ZNF394: variants seen among roughly 807,000 people sequenced by gnomAD.
The protein encoded by ZNF394 is zinc finger protein 99.
A neutral mutation model predicts 21.8 loss-of-function variants in ZNF394; 19 were observed. The ratio of observed to expected loss-of-function variants is 0.87; its 90% CI spans 0.61 to 1.28. ZNF394 has a LOEUF of 1.28. ZNF394 is among the 50% of genes most tolerant of loss of function. The probability of loss-of-function intolerance (pLI) is 0.00; values close to 1 mark genes in which losing one functional copy is unlikely to be tolerated. For missense variants in ZNF394, 683 were observed against 708.6 expected (o/e 0.96, Z 0.41); for synonymous variants, 294 against 273.3 (o/e 1.08, Z -0.75).
At position 99,494,300 on chromosome 7, in the gene ZNF394, C is replaced by T. The variant is rs79748850; in HGVS notation, c.915G>A (p.Glu305=). 7,854 of 1,614,244 alleles carry T rather than the reference C, an allele frequency of 4.9e-3. 25 individuals are homozygous for T. The highest frequency in any genetic ancestry group is 6.2e-3 in the Non-Finnish European group (7,358 of 1,180,046). The part of the protein sequence containing the change: ...LVLCQHIPKA[E]RPTDSEEHGN... Reference sequence around the variant, plus strand: ...CGTGTTCCTCACTGTCAGTGGGCCTCTCTGCTTTCGGGATGTGCTGACATA... The same window carrying T: ...CGTGTTCCTCACTGTCAGTGGGCCTTTCTGCTTTCGGGATGTGCTGACATA... Residue 305 remains glutamate, a synonymous_variant, in exon 3 of 3, where the codon GAG becomes GAA. Transcript: ENST00000337673.
downstream of ZNF394, among the ~76,000 whole-genome samples, chr7:99,488,535 G>A (rs947450386): frequency 2.8e-4 from 43 of 151,402 alleles, no homozygotes; most frequent in Admixed American, 1.3e-3. Context: ...TGCCTTTCCT[G>A]TATTACATAC....
chr7:99,488,507 A>C (rs574519705), downstream of ZNF394, among the ~76,000 whole-genome samples: 1 of 152,110 alleles, frequency 6.6e-6, no homozygotes, highest in Non-Finnish European at 1.5e-5. Flanking sequence ...ATCTCAAAAA[A>C]AAAAAAAGAT....
Position 99,493,465 on chromosome 7 carries a change from C to A in ZNF394, c.*64G>T. The A allele has an allele frequency of 7.2e-7, 1 of 1,385,350 alleles. No individual in the cohort carries two copies. Among genetic ancestry groups the A allele is most frequent in the Non-Finnish European group, 9.8e-7 (1 of 1,018,452 alleles). The allele number at this position is 1,385,350 out of a possible 1,614,324, so 85.8% of individuals were successfully genotyped here. A position where few individuals can be genotyped will look rare whatever the true frequency, so the allele number is the denominator to read the frequency against. On this transcript the variant is annotated 3_prime_UTR_variant, in exon 3 of 3. Coordinates refer to ENST00000337673, the MANE Select transcript of ZNF394 (RefSeq NM_032164.4). Reference sequence around the variant, plus strand: ...AGAGACAGGATTTTACCATGTTGGCCAGGCTGGTTTCAAACTCCTGATCTC... The same window carrying A: ...AGAGACAGGATTTTACCATGTTGGCAAGGCTGGTTTCAAACTCCTGATCTC...
rs1800217836 is a variant in ZNF394 at position 99,493,776 on chromosome 7, T to C, written c.1439A>G (p.Gln480Arg). Residue 480 changes from glutamine to arginine, a missense_variant, in exon 3 of 3, where the codon CAG becomes CGG. This residue lies in a region of ZNF394 where 274 missense variants were observed against 314.1 expected (regional missense o/e 0.87). Transcript: ENST00000337673. ...GTGGTGTTTAAAGAGGTCAGAGCGC[T>C]GTTTGAAGCTCTTCTCGCATTCTTC... The part of the protein sequence containing the change: ...KCEECEKSFK[Q>R]RSDLFKHHRI... 2.5e-6 allele frequency: 4 copies of C among 1,614,102 alleles called. No homozygotes were observed. In the Admixed American group the frequency reaches 6.7e-5, roughly 27 times the overall value.
Position 99,487,189 on chromosome 7 carries a change from A to G in ZNF394, n.84-226T>C, listed in dbSNP as rs143052446. On this transcript the variant is annotated intron_variant and non_coding_transcript_variant, in intron 1 of 1. Coordinates refer to the ZNF394 transcript ENST00000462024. ...TGGAAAAGCCTTTGGCCGGCATTCA[A>G]CCCTTCTATGTCATCAACAGATTCA... 28 of 1,614,044 alleles carry G rather than the reference A, an allele frequency of 1.7e-5. 1 individual carries two copies. The highest frequency in any genetic ancestry group is 2.2e-5 in the East Asian group (1 of 44,900).
At chr7:99,492,769 A>T (rs2151080089), downstream of ZNF394, among the ~76,000 whole-genome samples, 1 of 150,334 alleles carries the variant, frequency 6.7e-6, no homozygotes, top group East Asian at 2.0e-4. Flanking sequence ...CAGCCTGGGC[A>T]ACATAGCAAG....
chr7:99,486,892 C>A (rs760084125), exon 2 of ZNF394: 1 of 1,614,084 alleles, frequency 6.2e-7, no homozygotes, highest in African/African-American at 1.3e-5. Flanking sequence ...TTTAGAGAAT[C>A]CTTTTGAGTG....
chr7:99,498,972 G>C lies in ZNF394; in HGVS notation c.457-130C>G, dbSNP rs1011704434. ...GAGGCTGACATTCTCTTGTAATCCT[G>C]AAAAGCCTTTCTGTGGACTATTTAC... On this transcript the variant is annotated intron_variant, in intron 1 of 2. Transcript: ENST00000337673. 3 of 1,313,980 alleles carry C rather than the reference G, an allele frequency of 2.3e-6. No homozygotes were observed. The African/African-American group carries it at 4.5e-5, about 20-fold the overall frequency. The allele number at this position is 1,313,980 out of a possible 1,614,324, so 81.4% of individuals were successfully genotyped here.
intron 2 of ZNF394, among the ~76,000 whole-genome samples, chr7:99,494,984 C>G (rs1800261870): frequency 6.6e-6 from 1 of 152,052 alleles, no homozygotes; most frequent in Admixed American, 6.6e-5. Flanking sequence ...CCGCTCGCCT[C>G]AGCCTCCCTA....
chr7:99,491,636 T>C (rs1800161948), downstream of ZNF394, among the ~76,000 whole-genome samples: 1 of 149,610 alleles, frequency 6.7e-6, no homozygotes, highest in Non-Finnish European at 1.5e-5. Context: ...ATCAGCCGGG[T>C]GTGGTGGCGA....
At chr7:99,487,601 TGG>T in intron 1 of ZNF394, 1 of 1,293,382 alleles carries the variant, frequency 7.7e-7, no homozygotes, top group Non-Finnish European at 1.1e-6. Flanking sequence ...GGTTTTTCTA[TGG>T]GAGCCATCTT....
At chr7:99,489,010 C>T (rs75281515), downstream of ZNF394, among the ~76,000 whole-genome samples, 487 of 150,918 alleles carry the variant, frequency 3.2e-3, 3 homozygotes, top group African/African-American at 0.011. Context: ...GTCAGCCCGG[C>T]GCAGTGGCTC....
intron 2 of ZNF394, among the ~76,000 whole-genome samples, chr7:99,495,933 T>A (rs1250470273): frequency 6.6e-6 from 1 of 151,446 alleles, no homozygotes; most frequent in Non-Finnish European, 1.5e-5. Flanking sequence ...ATTTATTTTA[T>A]CTTTTTGAGA....
intron 1 of ZNF394, chr7:99,487,121 A>G: frequency 1.2e-6 from 2 of 1,614,230 alleles, no homozygotes; most frequent in Non-Finnish European, 1.7e-6. Context: ...ATTCGACATC[A>G]GGTGATCCAT....
At chr7:99,488,363 G>A (rs566915666), downstream of ZNF394, among the ~76,000 whole-genome samples, 10 of 151,560 alleles carry the variant, frequency 6.6e-5, no homozygotes, top group East Asian at 1.6e-3. Context: ...GTGAAACCCC[G>A]TCTCTACTGA....
At chr7:99,490,688 C>T (rs1315455883), downstream of ZNF394, among the ~76,000 whole-genome samples, 1 of 149,860 alleles carries the variant, frequency 6.7e-6, no homozygotes, top group African/African-American at 2.5e-5. Context: ...ATGACCAGTT[C>T]AGACATTCAG....
Position 99,494,395 on chromosome 7 carries a change from C to T in ZNF394, c.820G>A (p.Gly274Ser), listed in dbSNP as rs1294744019. 6.2e-7 allele frequency: 1 copy of T among 1,614,162 alleles called. No homozygotes were observed. Among genetic ancestry groups the T allele is most frequent in the Admixed American group, 1.7e-5 (1 of 60,006 alleles). ...LNSISDVNKN[G>S]SIEGEDSKNN... ...TTAGAGTCTTCCCCTTCTATGGAAC[C>T]ATTCTTATTGACATCTGAGATGCTG... Residue 274 changes from glycine to serine, a missense_variant, in exon 3 of 3, where the codon GGT (glycine) becomes AGT (serine). By Grantham distance (56) the Gly-to-Ser change is moderately conservative. Around this residue, in one of 3 missense-constraint regions of ZNF394, gnomAD observed 402 missense variants for 373.8 expected, o/e 1.08. Transcript: ENST00000337673.
chr7:99,499,898 G>T lies in ZNF394; in HGVS notation c.196C>A (p.His66Asn). The stretch of plus-strand genomic sequence containing the variant: ...TCCTGGTAACGCAGCTGCCTAAAGT[G>T]CAGTCGAGAAGTTTCGGGGTCCGGC... Reference protein sequence around the residue: ...ASPDPETSRLHFRQLRYQEVA... With the variant: ...ASPDPETSRLNFRQLRYQEVA... Residue 66 changes from histidine (H) to asparagine (N), a missense_variant, in exon 1 of 3, where the codon CAC (histidine) becomes AAC (asparagine). This residue lies in a region of ZNF394 where 402 missense variants were observed against 373.8 expected (regional missense o/e 1.08). Coordinates refer to ENST00000337673, the MANE Select transcript of ZNF394 (RefSeq NM_032164.4). 6.2e-7 allele frequency: 1 copy of T among 1,614,122 alleles called. No individual in the cohort carries two copies. Among genetic ancestry groups the T allele is most frequent in the Non-Finnish European group, 8.5e-7 (1 of 1,180,036 alleles).
intron 1 of ZNF394, 101 bp downstream of exon 1, chr7:99,499,537 T>C: frequency 1.8e-6 from 2 of 1,125,562 alleles, no homozygotes; most frequent in South Asian, 1.5e-5. Flanking sequence ...ACCCCAATGT[T>C]CACACGAAAT....
Sources: allele counts gnomAD v4.1 joint callset (sites outside exome capture counted in the v4.1 genomes callset), GRCh38; gene constraint gnomAD v4.1.1; regional missense constraint gnomAD v4.1.1; transcripts MANE v1.5; gene names NCBI Gene and HGNC (gene_info 2026-07-23, HGNC 2026-07-21).